MCTP1: variants seen among roughly 807,000 people sequenced by gnomAD.
MCTP1 encodes the protein multiple C2 and transmembrane domain-containing protein 1.
MCTP1 carries 69 observed loss-of-function variants against 120.6 expected under a neutral mutation model. The ratio of observed to expected loss-of-function variants is 0.57; its 90% CI spans 0.47 to 0.70. The LOEUF (loss-of-function observed/expected upper bound fraction) is 0.70. Among genes scored for constraint, MCTP1 ranks in the 30% least tolerant of loss-of-function variants. The pLI is 0.00. For missense variants in MCTP1, 1,203 were observed against 1,248.8 expected (o/e 0.96, Z 0.55); for synonymous variants, 529 against 493.1 (o/e 1.07, Z -0.96).
chr5:95,107,788 A>C (rs1472652051), intron 1 of MCTP1, among the ~76,000 whole-genome samples: 2 of 152,198 alleles, frequency 1.3e-5, no homozygotes, highest in African/African-American at 4.8e-5. Flanking sequence ...GGGAAAAGCT[A>C]TTTCCTTTAG....
intron 6 of MCTP1, among the ~76,000 whole-genome samples, chr5:94,927,245 T>G (rs1029575250): frequency 3.9e-5 from 6 of 152,124 alleles, no homozygotes; most frequent in Non-Finnish European, 8.8e-5. Context: ...TTAGGTGGGG[T>G]CAAAATATAT....
chr5:94,868,491 C>A, intron 16 of MCTP1, 39 bp from the exon 17 acceptor site: 1 of 1,513,068 alleles, frequency 6.6e-7, no homozygotes, highest in South Asian at 1.3e-5. Flanking sequence ...ATTTGCAAGA[C>A]TAAAAACCAT....
intron 1 of MCTP1, among the ~76,000 whole-genome samples, chr5:95,082,689 A>C (rs945293765): frequency 6.6e-6 from 1 of 152,214 alleles, no homozygotes; most frequent in Non-Finnish European, 1.5e-5. Context: ...TAATAAAATT[A>C]TTAAATATTT....
chr5:94,888,692 C>T (rs1307927381), intron 12 of MCTP1, among the ~76,000 whole-genome samples, 187 bp downstream of exon 12: 2 of 152,008 alleles, frequency 1.3e-5, no homozygotes, highest in Non-Finnish European at 2.9e-5. Flanking sequence ...AATACATTAC[C>T]CTGCCTTTAA....
chr5:95,213,948 G>T (rs1282574230), intron 1 of MCTP1, among the ~76,000 whole-genome samples: 1 of 152,110 alleles, frequency 6.6e-6, no homozygotes, highest in East Asian at 1.9e-4. Flanking sequence ...CAGGACATAG[G>T]CATGGGCAAG....
intron 1 of MCTP1, among the ~76,000 whole-genome samples, chr5:95,266,588 T>C (rs776087291): frequency 1.1e-4 from 17 of 152,220 alleles, no homozygotes; most frequent in Non-Finnish European, 2.5e-4. Context: ...TTTTCCATAA[T>C]AGCAGATAAA....
intron 20 of MCTP1, among the ~76,000 whole-genome samples, chr5:94,712,842 C>T (rs892601046): frequency 2.6e-5 from 4 of 151,892 alleles, no homozygotes; most frequent in Admixed American, 6.6e-5. Flanking sequence ...ATCCATCACA[C>T]GACTCCACGT....
intron 1 of MCTP1, among the ~76,000 whole-genome samples, chr5:95,145,209 GTGTATAGAAATGTTACTGA>G (rs1760280811): frequency 6.6e-6 from 1 of 152,234 alleles, no homozygotes; most frequent in Middle Eastern, 3.4e-3. Context: ...GATGTTATTG[GTGTATAGAAATGTTACTGA>G]TTTTTGTATT....
At chr5:95,268,675 T>C (rs1759107269) in intron 1 of MCTP1, among the ~76,000 whole-genome samples, 1 of 152,208 alleles carries the variant, frequency 6.6e-6, no homozygotes, top group South Asian at 2.1e-4. Flanking sequence ...CCTGTGATCA[T>C]CTGTGGGCAC....
At chr5:95,156,518 T>C (rs900374448) in intron 1 of MCTP1, among the ~76,000 whole-genome samples, 2 of 152,228 alleles carry the variant, frequency 1.3e-5, no homozygotes, top group African/African-American at 2.4e-5. Flanking sequence ...CCTTAACTCA[T>C]ATCATTCTTG....
At chr5:95,112,978 C>G (rs917861427) in intron 1 of MCTP1, among the ~76,000 whole-genome samples, 2 of 152,136 alleles carry the variant, frequency 1.3e-5, no homozygotes, top group African/African-American at 4.8e-5. Flanking sequence ...TTTACATTGA[C>G]TATTATGTAA....
In MCTP1 at chr5:95,151,308, A is replaced by G. The variant is rs145890149; in HGVS notation, c.720+132548T>C. ...CAGAAAATATCATTAAGAAAATCAT[A>G]AGGAAGATAATGTATTTACTATTCA... On this transcript the variant is annotated intron_variant, in intron 1 of 22. Transcript: ENST00000515393. 3.1e-3 allele frequency among the ~76,000 whole-genome samples: 479 copies of G among 152,072 alleles called. 2 individuals carry two copies. The highest frequency in any genetic ancestry group is 0.011 in the African/African-American group (459 of 41,480).
At chr5:94,953,863 ATATATACAAATATATATG>A in intron 2 of MCTP1, among the ~76,000 whole-genome samples, 4 of 110,044 alleles carry the variant, frequency 3.6e-5, no homozygotes, top group Admixed American at 1.0e-4. Flanking sequence ...ATATATGCAT[ATATATACAAATATATATG>A]CATATATATA....
intron 17 of MCTP1, among the ~76,000 whole-genome samples, chr5:94,805,391 C>T (rs1782062607): frequency 6.6e-6 from 1 of 152,112 alleles, no homozygotes; most frequent in Non-Finnish European, 1.5e-5. Flanking sequence ...CTTTGGGAGG[C>T]TGATGCAGGA....
At chr5:95,138,813 A>G (rs35200678) in intron 1 of MCTP1, among the ~76,000 whole-genome samples, 34,422 of 152,196 alleles carry the variant, frequency 0.23, 4,670 homozygotes, top group Admixed American at 0.3. Context: ...TGTGCAAAGT[A>G]CACCCTGCCC....
At chr5:94,728,947 T>G (rs1157010139) in intron 19 of MCTP1, among the ~76,000 whole-genome samples, 1 of 152,232 alleles carries the variant, frequency 6.6e-6, no homozygotes, top group African/African-American at 2.4e-5. Context: ...TTCTAGGCTC[T>G]GAGGATACTG....
chr5:95,148,981 T>C (rs113190838), intron 1 of MCTP1, among the ~76,000 whole-genome samples: 2,454 of 152,330 alleles, frequency 0.016, 61 homozygotes, highest in African/African-American at 0.056. Context: ...TAATTTGGAC[T>C]GTGATCCAGT....
intron 1 of MCTP1, among the ~76,000 whole-genome samples, chr5:95,273,387 C>T (rs1010604016): frequency 6.6e-6 from 1 of 152,154 alleles, no homozygotes; most frequent in Non-Finnish European, 1.5e-5. Flanking sequence ...CATATTTTAA[C>T]ATGTTTGCAG....
chr5:95,201,524 A>T (rs1751050738), intron 1 of MCTP1, among the ~76,000 whole-genome samples: 4 of 84,318 alleles, frequency 4.7e-5, no homozygotes, highest in Non-Finnish European at 6.1e-5. Context: ...TTTTTTTTTG[A>T]GACAGAGTCT....
Sources: gnomAD v4.1 joint callset for allele counts (sites outside exome capture counted in the v4.1 genomes callset) on GRCh38, gnomAD v4.1.1 for gene constraint, MANE v1.5 for transcripts, NCBI Gene and HGNC (gene_info 2026-07-23, HGNC 2026-07-21) for gene names.